ADGRG1: variants seen among roughly 807,000 people sequenced by gnomAD.
The protein encoded by ADGRG1 is 7-transmembrane protein with no EGF-like N-terminal domains-1.
Under a neutral mutation model 73.5 loss-of-function variants are expected in ADGRG1, and 53 were observed. The observed-to-expected ratio is 0.72, with a 90% confidence interval of 0.58 to 0.91. The LOEUF (loss-of-function observed/expected upper bound fraction) is 0.91. Among genes scored for constraint, ADGRG1 ranks in the 40% least tolerant of loss-of-function variants. The pLI, the probability that ADGRG1 is intolerant of heterozygous loss-of-function variation, is 0.00. For missense variants in ADGRG1, 795 were observed against 871.8 expected (o/e 0.91, Z 1.11); for synonymous variants, 394 against 374.4 (o/e 1.05, Z -0.60).
chr16:57,648,861 G>A, intron 1 of ADGRG1: 1 of 252,214 alleles, frequency 4.0e-6, no homozygotes, highest in Non-Finnish European at 6.3e-6. Flanking sequence ...TCCCTGCCAG[G>A]CACTATAGTC....
intron 1 of ADGRG1, chr16:57,629,367 G>C (rs1255878474): frequency 1.9e-5 from 3 of 154,292 alleles, no homozygotes; most frequent in Non-Finnish European, 4.3e-5. Flanking sequence ...GGCCCAGCAA[G>C]CTGGGGTCTG....
At chr16:57,656,351 A>G (rs2045728961) in intron 8 of ADGRG1, 80 bp downstream of exon 8, 5 of 1,611,778 alleles carry the variant, frequency 3.1e-6, no homozygotes, top group Non-Finnish European at 3.4e-6. Flanking sequence ...GGTGGGGTTA[A>G]TCACCGAGGG....
intron 6 of ADGRG1, 136 bp downstream of exon 6, chr16:57,655,666 T>C: frequency 1.3e-6 from 2 of 1,584,536 alleles, no homozygotes; most frequent in Non-Finnish European, 1.7e-6. Context: ...TGCACTGCAA[T>C]GTGCAAATCT....
intron 13 of ADGRG1, chr16:57,663,232 G>C: frequency 1.2e-6 from 1 of 816,438 alleles, no homozygotes; most frequent in Non-Finnish European, 1.5e-6. Flanking sequence ...TGAATAGGAT[G>C]GGCCTAGGAA....
upstream of ADGRG1, among the ~76,000 whole-genome samples, chr16:57,626,273 C>T (rs1336854027): frequency 1.3e-5 from 2 of 152,296 alleles, no homozygotes; most frequent in African/African-American, 4.8e-5. Context: ...ATGATCTGTA[C>T]AAGCAGAGCA....
At chr16:57,628,990 ATGTGAG>A (rs1375278150) in intron 1 of ADGRG1, 188 bp downstream of exon 1, 16 of 351,150 alleles carry the variant, frequency 4.6e-5, no homozygotes, top group Middle Eastern at 1.5e-3. Context: ...GTGAGTGAGA[ATGTGAG>A]TGTGAGTGTG....
intron 1 of ADGRG1, chr16:57,643,611 G>A: frequency 1.0e-6 from 1 of 984,784 alleles, no homozygotes; most frequent in Non-Finnish European, 1.2e-6. Context: ...GGCTCACCCT[G>A]GGCAGTGAGT....
At chr16:57,663,124 C>T in intron 13 of ADGRG1, 5 of 961,818 alleles carry the variant, frequency 5.2e-6, no homozygotes, top group Non-Finnish European at 6.2e-6. Context: ...GGGTGGACTT[C>T]AGAGCCTGTT....
At chr16:57,639,079 A>G (rs1314927351) in intron 1 of ADGRG1, among the ~76,000 whole-genome samples, 1 of 152,152 alleles carries the variant, frequency 6.6e-6, no homozygotes, top group African/African-American at 2.4e-5. Flanking sequence ...GAGAAAAAAA[A>G]AAAAAAGATT....
At chr16:57,643,875 C>T (rs2041508429) in intron 1 of ADGRG1, 2 of 973,864 alleles carry the variant, frequency 2.1e-6, no homozygotes, top group Non-Finnish European at 2.4e-6. Flanking sequence ...ATCCCAGGAC[C>T]CATGGGTGCG....
chr16:57,628,981 TGAGTGAGA>T, intron 1 of ADGRG1, 179 bp downstream of exon 1: 1 of 303,930 alleles, frequency 3.3e-6, no homozygotes, highest in Non-Finnish European at 3.9e-6. Flanking sequence ...TGTGTGAGAG[TGAGTGAGA>T]ATGTGAGTGT....
chr16:57,631,734 C>T (rs74538070), intron 1 of ADGRG1: 76,171 of 983,784 alleles, frequency 0.077, 3,125 homozygotes, highest in East Asian at 0.15. Context: ...CCGGGTGGGG[C>T]GGGGCTGTGG....
At chr16:57,658,919 C>T in intron 10 of ADGRG1, 4 of 983,296 alleles carry the variant, frequency 4.1e-6, no homozygotes, top group Non-Finnish European at 4.8e-6. Context: ...TTCTGCTGCA[C>T]CCTCTAGGGC....
Position 57,659,691 on chromosome 16 carries a change from T to A in ADGRG1, c.1555+10T>A. 5.6e-6 allele frequency: 9 copies of A among 1,613,336 alleles called. No individual in the cohort carries two copies. Among genetic ancestry groups the A allele is most frequent in the Non-Finnish European group, 7.6e-6 (9 of 1,179,840 alleles). On this transcript the variant is annotated intron_variant, in intron 11 of 13. Transcript: ENST00000562631. ...AGCGCCATGGGCTGGGGTAAGTGGTTGGGCGGGGGGTGCCTCAGACCTGCC... is the reference window on the plus strand; with the variant it reads ...AGCGCCATGGGCTGGGGTAAGTGGTAGGGCGGGGGGTGCCTCAGACCTGCC...
intron 1 of ADGRG1, 88 bp downstream of exon 1, chr16:57,628,890 G>GTGTA (rs2036559461): frequency 4.8e-6 from 4 of 839,864 alleles, no homozygotes; most frequent in African/African-American, 6.0e-5. Flanking sequence ...GTGTGAGAGT[G>GTGTA]TGAGTGTGTG....
At chr16:57,648,490 ATGG>A (rs1475650347) in intron 1 of ADGRG1, 39 of 972,506 alleles carry the variant, frequency 4.0e-5, no homozygotes, top group Non-Finnish European at 4.8e-5. Flanking sequence ...TCCATTCCAC[ATGG>A]TGGGACGCAG....
At chr16:57,645,234 C>G (rs2042295019) in intron 1 of ADGRG1, 2 of 985,316 alleles carry the variant, frequency 2.0e-6, no homozygotes, top group Non-Finnish European at 2.4e-6. Flanking sequence ...GGAAGTTGAG[C>G]TGGGGGGGTC....
At chr16:57,659,733 GGCAAAACCCA>G (rs1267139494) in intron 11 of ADGRG1, 52 bp downstream of exon 11, 9 of 1,603,564 alleles carry the variant, frequency 5.6e-6, no homozygotes, top group Non-Finnish European at 7.7e-6. Context: ...ACTTGGCTCT[GGCAAAACCCA>G]GGCACCTGGT....
At position 57,653,988 on chromosome 16, in the gene ADGRG1, A is replaced by C. The variant is rs764722050; in HGVS notation, c.623A>C (p.Gln208Pro). The C allele has an allele frequency of 6.2e-7, 1 of 1,613,762 alleles. No individual in the cohort carries two copies. Among genetic ancestry groups the C allele is most frequent in the African/African-American group, 1.3e-5 (1 of 74,870 alleles). The change falls in exon 5 of 14, where the codon CAG becomes CCG. Residue 208 changes from glutamine to proline, a missense_variant and splice_region_variant. Coordinates refer to ENST00000562631, the MANE Select transcript of ADGRG1 (RefSeq NM_201525.4). ...RRPSAAPASQ[Q>P]LQSLESKLTS... ...CACCGCTTTCTCCTCCCTGCCAGGCAGTTGCAGAGCCTGGAGTCGAAACTG... is the reference window on the plus strand; with the variant it reads ...CACCGCTTTCTCCTCCCTGCCAGGCCGTTGCAGAGCCTGGAGTCGAAACTG...
Sources: gnomAD v4.1 joint callset for allele counts (sites outside exome capture counted in the v4.1 genomes callset) on GRCh38, gnomAD v4.1.1 for gene constraint, MANE v1.5 for transcripts, NCBI Gene and HGNC (gene_info 2026-07-23, HGNC 2026-07-21) for gene names.